Variants in BAZ2A observed in about 807,000 individuals in gnomAD.
The protein encoded by BAZ2A is bromodomain adjacent to zinc finger domain protein 2A.
In BAZ2A, 34 loss-of-function variants were observed where a neutral mutation model predicts 199.9. That is an observed-to-expected ratio of 0.17 (90% CI 0.13 to 0.23). BAZ2A has a LOEUF of 0.23. Ranked by LOEUF, BAZ2A falls within the 10% of genes least tolerant of loss-of-function variation. The pLI, the probability that BAZ2A is intolerant of heterozygous loss-of-function variation, is 1.00. For missense variants in BAZ2A, 2,002 were observed against 2,391.1 expected (o/e 0.84, Z 3.39); for synonymous variants, 857 against 883.9 (o/e 0.97, Z 0.54).
At position 56,605,197 on chromosome 12, in the gene BAZ2A, G is replaced by A. The variant is rs1444765910; in HGVS notation, c.2624C>T (p.Pro875Leu). 6.2e-7 allele frequency: 1 copy of A among 1,613,706 alleles called. No individual in the cohort carries two copies. The change falls in exon 14 of 29, where the codon CCT becomes CTT. Residue 875 changes from proline to leucine, a missense_variant. Physicochemically the swap from Pro to Leu is moderately conservative, Grantham distance 98 (BLOSUM62 -3). Transcript: ENST00000549884. ...TCCCTCCTGCAGGACCCCCAGGCTA[G>A]GCACATCTTTGGCAGGATCAAAGCC... The part of the protein sequence containing the change: ...VLGFDPAKDV[P>L]SLGVLQEGLL...
intron 10 of BAZ2A, among the ~76,000 whole-genome samples, chr12:56,607,529 G>A (rs555018047): frequency 5.9e-5 from 9 of 152,112 alleles, no homozygotes; most frequent in South Asian, 2.1e-4. Context: ...GTGCCACCAC[G>A]CCCAGTTAAT....
Position 56,598,594 on chromosome 12 carries a change from A to G in BAZ2A, c.*24T>C. On this transcript the variant is annotated 3_prime_UTR_variant, in exon 29 of 29. Coordinates refer to ENST00000549884, the MANE Select transcript of BAZ2A (RefSeq NM_001300905.2). ...TTGGAAGGTGGGGGGAGATGCCACA[A>G]GGTGACTCCCCACCTCCCTTGCCTC... 1 of 1,608,426 alleles carries G rather than the reference A, an allele frequency of 6.2e-7. No individual in the cohort carries two copies. The highest frequency in any genetic ancestry group is 8.5e-7 in the Non-Finnish European group (1 of 1,177,728).
Position 56,600,340 on chromosome 12 carries a change from C to T in BAZ2A, c.4753G>A (p.Val1585Met). The change falls in exon 24 of 29, where the codon GTG becomes ATG. Residue 1585 changes from valine (V) to methionine (M), a missense_variant. Val to Met is a conservative substitution (Grantham distance 21). Coordinates refer to ENST00000549884, the MANE Select transcript of BAZ2A (RefSeq NM_001300905.2). ...RKTTNPLDLAVMRLAALEQNV... is the reference protein window; with the variant it reads ...RKTTNPLDLAMMRLAALEQNV... ...TGTTCCAGGGCAGCCAGCCGCATCA[C>T]AGCCAGGTCCAAAGGGTTGGTAGTT... 1 of 1,614,024 alleles carries T rather than the reference C, an allele frequency of 6.2e-7. No homozygotes were observed. The highest frequency in any genetic ancestry group is 8.5e-7 in the Non-Finnish European group (1 of 1,179,902).
In BAZ2A at chr12:56,630,262, G is replaced by A; in HGVS notation, c.-140C>T. On this transcript the variant is annotated 5_prime_UTR_variant, in exon 1 of 29. Transcript: ENST00000549884. ...GGTCTGGGGTCCGGGGTTCGGGAAGGGGGAGGGGGACGCGGCTCAACCGCG... is the reference window on the plus strand; with the variant it reads ...GGTCTGGGGTCCGGGGTTCGGGAAGAGGGAGGGGGACGCGGCTCAACCGCG... 3 of 983,256 alleles carry A rather than the reference G, an allele frequency of 3.1e-6. No individual in the cohort carries two copies. The highest frequency in any genetic ancestry group is 3.6e-6 in the Non-Finnish European group (3 of 827,884). The allele number at this position is 983,256 out of a possible 1,614,324, so 60.9% of individuals were successfully genotyped here.
rs35960815 is a variant in BAZ2A at position 56,597,637 on chromosome 12, G to GACACACACAC, written c.*971_*980dup. 0.013 allele frequency: 1,639 copies of GACACACACAC among 127,176 alleles called. 39 individuals are homozygous for GACACACACAC. The highest frequency in any genetic ancestry group is 0.043 in the African/African-American group (1,265 of 29,408). 7.9% of individuals were successfully genotyped at this position (127,176 alleles called of 1,614,324 possible). On this transcript the variant is annotated 3_prime_UTR_variant, in exon 29 of 29. Coordinates refer to ENST00000549884, the MANE Select transcript of BAZ2A (RefSeq NM_001300905.2). Reference sequence around the variant, plus strand: ...CACACACACAGCGCGCTCTGAGGCCGACACACACACACACACACACACACA... The same window carrying GACACACACAC: ...CACACACACAGCGCGCTCTGAGGCCGACACACACACACACACACACACACACACACACACA...
chr12:56,614,883 T>A, intron 3 of BAZ2A, 131 bp downstream of exon 3: 1 of 981,712 alleles, frequency 1.0e-6, no homozygotes, highest in Non-Finnish European at 1.5e-6. Flanking sequence ...TGCTAATTGC[T>A]AATCACCAAC....
In BAZ2A at chr12:56,600,926, T is replaced by A; in HGVS notation, c.4450+17A>T. 6.2e-7 allele frequency: 1 copy of A among 1,613,164 alleles called. No homozygotes were observed. On this transcript the variant is annotated intron_variant, in intron 22 of 28. Transcript: ENST00000549884. ...CCTGGGCTCTTCAGCTCAAGCTGGG[T>A]GTAGGAATGTATTTACCAGCTGAGG...
At chr12:56,606,523 T>C (rs1407990544) in intron 11 of BAZ2A, 110 bp downstream of exon 11, 4 of 1,261,444 alleles carry the variant, frequency 3.2e-6, no homozygotes, top group Non-Finnish European at 4.6e-6. Context: ...TTCAGGGTAA[T>C]GAAGATATGC....
rs890048065 is a variant in BAZ2A at position 56,612,121 on chromosome 12, G to C, written c.1261C>G (p.Pro421Ala). The C allele has an allele frequency of 2.5e-6, 4 of 1,613,804 alleles. No individual in the cohort carries two copies. The highest frequency in any genetic ancestry group is 3.4e-6 in the Non-Finnish European group (4 of 1,179,880). Residue 421 changes from proline (P) to alanine (A), a missense_variant, in exon 6 of 29, where the codon CCA becomes GCA. Physicochemically the swap from Pro to Ala is conservative, Grantham distance 27. Transcript: ENST00000549884. ...GGCGAGACTGCTGGTGAGGTTGCTG[G>C]ATGTAGCTGAATAGTGGATGACTGA... ...PDQSSTIQLH[P>A]ATSPAVSPTT...
chr12:56,630,863 T>C, upstream of BAZ2A: 20 of 985,522 alleles, frequency 2.0e-5, no homozygotes, highest in Non-Finnish European at 2.4e-5. Context: ...AAAGGAAAGA[T>C]TCCTGTGCGT....
At chr12:56,637,822 C>T (rs775968385), upstream of BAZ2A, among the ~76,000 whole-genome samples, 10 of 151,632 alleles carry the variant, frequency 6.6e-5, no homozygotes, top group Non-Finnish European at 1.2e-4. Flanking sequence ...AAACTGAGGC[C>T]CTACTAAGAT....
rs1178604375 is a variant in BAZ2A, at chr12:56,602,054, C to T, written c.3563G>A (p.Gly1188Asp). The T allele has an allele frequency of 1.9e-6, 3 of 1,558,980 alleles. No homozygotes were observed. In the African/African-American group the frequency reaches 4.1e-5, roughly 21 times the overall value. The change falls in exon 20 of 29, where the codon GGC becomes GAC. Residue 1188 changes from glycine to aspartate, a missense_variant. Gly to Asp is a moderately conservative substitution (Grantham distance 94). Transcript: ENST00000549884. ...TTASSPARAR[G>D]RPRKTKPGSM... is the part of the protein sequence containing the mutation. ...CCCGGGCTTAGTTTTTCGAGGTCGG[C>T]CTCGGGCCCGGGCAGGAGAACTGGC...
At position 56,615,492 on chromosome 12, in the gene BAZ2A, G is replaced by C; in HGVS notation, c.252C>G (p.Ser84Arg). Reference protein sequence around the residue: ...SSSTSHLHHPSVAYDCLWNYS... With the variant: ...SSSTSHLHHPRVAYDCLWNYS... ...AGTTCCAGAGACAGTCGTAGGCCAC[G>C]CTGGGGTGATGGAGGTGTGAGGTGC... is the stretch of plus-strand genomic sequence containing the variant. The change falls in exon 3 of 29, where the codon AGC becomes AGG. Residue 84 changes from serine to arginine, a missense_variant. Ser to Arg is a moderately radical substitution (Grantham distance 110). Transcript: ENST00000549884. The C allele has an allele frequency of 6.2e-7, 1 of 1,613,518 alleles. No homozygotes were observed. The highest frequency in any genetic ancestry group is 2.2e-5 in the East Asian group (1 of 44,868).
In BAZ2A at chr12:56,619,925, C is replaced by T. The variant is rs1950858446; in HGVS notation, c.-2-2393G>A. Among the ~76,000 whole-genome samples the T allele has an allele frequency of 2.0e-5, 3 of 152,130 alleles. No individual in the cohort carries two copies. In the South Asian group the frequency reaches 6.2e-4, roughly 32 times the overall value. ...TCAGGAGGATGAGGCAGGAAGATTA[C>T]TTGAGCCCAAAAGTGCAAGTCCAGC... On this transcript the variant is annotated intron_variant, in intron 1 of 28. Coordinates refer to ENST00000549884, the MANE Select transcript of BAZ2A (RefSeq NM_001300905.2).
At chr12:56,612,354 G>T in intron 5 of BAZ2A, 108 bp from the exon 6 acceptor site, 1 of 953,904 alleles carries the variant, frequency 1.0e-6, no homozygotes. Context: ...GTTACTTCAA[G>T]GGGTCTTCCC....
Position 56,635,557 on chromosome 12 carries a change from C to T in BAZ2A, c.4+625G>A. Among the ~76,000 whole-genome samples the T allele has an allele frequency of 6.6e-6, 1 of 152,178 alleles. No individual in the cohort carries two copies. The highest frequency in any genetic ancestry group is 1.9e-4 in the East Asian group (1 of 5,188). On this transcript the variant is annotated intron_variant, in intron 1 of 29. Transcript: ENST00000379441. This position sits in a 1 kb window ranked among gnomAD's most constrained non-coding sequence, Gnocchi z 4.1. The stretch of plus-strand genomic sequence containing the variant: ...TCCTCTCAACCTCAATCCTGCGTCC[C>T]ACTCAGTGCCCTCAGTGACTGTAGT...
At chr12:56,620,531 C>CA (rs756475148) in intron 1 of BAZ2A, among the ~76,000 whole-genome samples, 96 of 150,990 alleles carry the variant, frequency 6.4e-4, no homozygotes, top group Admixed American at 7.3e-4. Flanking sequence ...AACAAACAAA[C>CA]AAACAAAACA....
chr12:56,611,298 G>C, intron 7 of BAZ2A: 2 of 536,634 alleles, frequency 3.7e-6, no homozygotes, highest in Non-Finnish European at 6.6e-6. Context: ...GTGAGCCCTA[G>C]GGTTTGGAAA....
In BAZ2A at chr12:56,609,885, C is replaced by T; in HGVS notation, c.1943G>A (p.Gly648Asp). 1 of 1,613,362 alleles carries T rather than the reference C, an allele frequency of 6.2e-7. No individual in the cohort carries two copies. Among genetic ancestry groups the T allele is most frequent in the Non-Finnish European group, 8.5e-7 (1 of 1,179,818 alleles). ...AGTGTTTCGAGGTCGACCCCGTTTG[C>T]CAGTAATTGCCTGAATCCTCGACGG... ...EIPSRIQAIT[G>D]KRGRPRNTEK... The change falls in exon 10 of 29, where the codon GGC becomes GAC. Residue 648 changes from glycine (G) to aspartate (D), a missense_variant. Physicochemically the swap from Gly to Asp is moderately conservative, Grantham distance 94. Around this residue, in one of 6 missense-constraint regions of BAZ2A, gnomAD observed 74 missense variants for 126.1 expected, o/e 0.59. Coordinates refer to ENST00000549884, the MANE Select transcript of BAZ2A (RefSeq NM_001300905.2).
Sources: allele counts gnomAD v4.1 joint callset (sites outside exome capture counted in the v4.1 genomes callset), GRCh38; gene constraint gnomAD v4.1.1; regional missense constraint gnomAD v4.1.1; non-coding constraint Gnocchi (gnomAD v3.1); transcripts MANE v1.5; gene names NCBI Gene and HGNC (gene_info 2026-07-23, HGNC 2026-07-21).